Variants in WDR75 observed in about 807,000 individuals in gnomAD.
The protein encoded by WDR75 is WD repeat-containing protein 75.
Under a neutral mutation model 106.1 loss-of-function variants are expected in WDR75, and 52 were observed. The ratio of observed to expected loss-of-function variants is 0.49; its 90% CI spans 0.39 to 0.62. WDR75 has a LOEUF of 0.62. Ranked by LOEUF, WDR75 falls within the 20% of genes least tolerant of loss-of-function variation. The pLI is 0.00. For missense variants in WDR75, 905 were observed against 970.3 expected, an observed-to-expected ratio of 0.93 and a Z score of 0.89; for synonymous variants, 333 against 335.5, an observed-to-expected ratio of 0.99 and a Z score of 0.08.
chr2:189,448,828 A>T (rs1686555501), intron 2 of WDR75: 1 of 487,684 alleles, frequency 2.1e-6, no homozygotes, highest in Non-Finnish European at 4.2e-6. Flanking sequence ...GCGAATATCC[A>T]AAAGAGGTAT....
Position 189,470,697 on chromosome 2 carries a change from G to A in WDR75, c.1990-122G>A, listed in dbSNP as rs114207009. ...GGTTTAAATCTTTTATTCCTTTTCTGTTGTCAAATATATATATCAAAGTGA... is the reference window on the plus strand; with the variant it reads ...GGTTTAAATCTTTTATTCCTTTTCTATTGTCAAATATATATATCAAAGTGA... On this transcript the variant is annotated intron_variant, in intron 17 of 20. Transcript: ENST00000314761. 7.2e-3 allele frequency: 3,780 copies of A among 525,544 alleles called. 120 individuals carry two copies. The highest frequency in any genetic ancestry group is 0.068 in the African/African-American group (3,457 of 50,502). The allele number at this position is 525,544 out of a possible 1,614,324, so 32.6% of individuals were successfully genotyped here. A position where few individuals can be genotyped will look rare whatever the true frequency, so the allele number is the denominator to read the frequency against.
intron 16 of WDR75, 21 bp from the exon 17 acceptor site, chr2:189,470,055 T>C: frequency 6.2e-7 from 1 of 1,605,248 alleles, no homozygotes; most frequent in East Asian, 2.2e-5. Flanking sequence ...ATGTTATTGT[T>C]TCTTTGTTTT....
At chr2:189,470,955 A>G in intron 18 of WDR75, 77 bp downstream of exon 18, 1 of 1,140,132 alleles carries the variant, frequency 8.8e-7, no homozygotes, top group Non-Finnish European at 1.2e-6. Flanking sequence ...TCAACTATGA[A>G]AAAAATATTT....
intron 1 of WDR75, among the ~76,000 whole-genome samples, chr2:189,448,040 C>T (rs1686538017): frequency 6.6e-6 from 1 of 152,176 alleles, no homozygotes; most frequent in Non-Finnish European, 1.5e-5. Flanking sequence ...GGGAGCTCTC[C>T]TGCACAAGTT....
intron 5 of WDR75, among the ~76,000 whole-genome samples, chr2:189,456,043 G>A (rs1239467647): frequency 2.6e-5 from 4 of 152,000 alleles, no homozygotes; most frequent in Non-Finnish European, 4.4e-5. Flanking sequence ...AAAAGCCTCC[G>A]GACATCACTG....
chr2:189,455,649 C>G lies in WDR75; in HGVS notation c.498+205C>G, dbSNP rs555860959. 9.5e-5 allele frequency: 48 copies of G among 507,288 alleles called. 2 individuals carry two copies. The South Asian group carries it at 1.8e-3, about 19-fold the overall frequency. The allele number at this position is 507,288 out of a possible 1,614,324, so 31.4% of individuals were successfully genotyped here. A position where few individuals can be genotyped will look rare whatever the true frequency, so the allele number is the denominator to read the frequency against. On this transcript the variant is annotated intron_variant, in intron 5 of 20. Coordinates refer to ENST00000314761, the MANE Select transcript of WDR75 (RefSeq NM_032168.3). The stretch of plus-strand genomic sequence containing the variant: ...TATCCTTATTTTTGTGTGTTCTGTC[C>G]TATTGCCTTTGTAAACTCTCTTAGA...
In WDR75 at chr2:189,474,266, A is replaced by G; in HGVS notation, c.2130A>G (p.Leu710=). The G allele has an allele frequency of 6.2e-7, 1 of 1,613,918 alleles. No individual in the cohort carries two copies. The highest frequency in any genetic ancestry group is 8.5e-7 in the Non-Finnish European group (1 of 1,179,856). ...ACAGGCAACAGCAGGATGAAAAACT[A>G]AACGAAACTTTAGAGAATGAGCTGG... The part of the protein sequence containing the change: ...GKHRQQQDEK[L]NETLENELVQ... The change falls in exon 19 of 21, where the codon CTA becomes CTG. Residue 710 remains leucine, a synonymous_variant. Transcript: ENST00000314761.
At chr2:189,469,486 G>A in intron 16 of WDR75, 47 bp downstream of exon 16, 1 of 1,483,960 alleles carries the variant, frequency 6.7e-7, no homozygotes. Context: ...TATGACCTAA[G>A]TTTTCTTCTT....
At chr2:189,448,233 C>G (rs1489800316) in intron 1 of WDR75, 146 bp from the exon 2 acceptor site, 2 of 770,458 alleles carry the variant, frequency 2.6e-6, no homozygotes, top group African/African-American at 3.6e-5. Flanking sequence ...CCTGTAATCT[C>G]AGCATTTTGG....
chr2:189,452,490 A>G (rs1334175185), intron 4 of WDR75, among the ~76,000 whole-genome samples: 1 of 151,664 alleles, frequency 6.6e-6, no homozygotes. Flanking sequence ...TGAATCCAGA[A>G]GGTGGAGCTT....
At position 189,474,711 on chromosome 2, in the gene WDR75, C is replaced by T. The variant is rs771696734; in HGVS notation, c.2197-6C>T. The T allele has an allele frequency of 1.9e-6, 3 of 1,613,444 alleles. No homozygotes were observed. The South Asian group carries it at 3.3e-5, about 18-fold the overall frequency. ...AATTGCAACCGTGTTTTCTGTTTGA[C>T]TCCAGCTTCTTCACACTCCAGCCCA... On this transcript the variant is annotated splice_polypyrimidine_tract_variant and splice_region_variant and intron_variant, in intron 19 of 20. Transcript: ENST00000314761.
intron 14 of WDR75, among the ~76,000 whole-genome samples, chr2:189,467,971 T>G (rs1440105608): frequency 3.9e-5 from 6 of 152,146 alleles, no homozygotes; most frequent in Admixed American, 1.3e-4. Context: ...ATAAAAACCG[T>G]GTTATGCGCC....
intron 20 of WDR75, 95 bp downstream of exon 20, chr2:189,474,903 CT>C: frequency 1.0e-6 from 1 of 989,888 alleles, no homozygotes; most frequent in Non-Finnish European, 1.5e-6. Context: ...CACTGTATTT[CT>C]TTTTATTTCA....
intron 4 of WDR75, among the ~76,000 whole-genome samples, chr2:189,454,031 C>T (rs930771325): frequency 4.6e-5 from 7 of 152,172 alleles, no homozygotes; most frequent in African/African-American, 1.7e-4. Flanking sequence ...AAACAAAACA[C>T]TTCTAAGTCC....
rs544024132 is a variant in WDR75, at chr2:189,454,718, T to C, written c.374-602T>C. On this transcript the variant is annotated intron_variant, in intron 4 of 20. Coordinates refer to ENST00000314761, the MANE Select transcript of WDR75 (RefSeq NM_032168.3). ...TTGTATTTTTTTAGTAGAGACAGGG[T>C]TTCACCGTGTTAGCCAGGATGGTCT... is the stretch of plus-strand genomic sequence containing the variant. Among the ~76,000 whole-genome samples, 400 of 151,946 alleles carry C rather than the reference T, an allele frequency of 2.6e-3. 5 individuals are homozygous for C. The highest frequency in any genetic ancestry group is 9.0e-3 in the African/African-American group (375 of 41,440).
Position 189,470,056 on chromosome 2 carries a change from T to C in WDR75, c.1820-20T>C. 2 of 1,605,732 alleles carry C rather than the reference T, an allele frequency of 1.2e-6. No homozygotes were observed. The highest frequency in any genetic ancestry group is 8.5e-7 in the Non-Finnish European group (1 of 1,175,570). Reference sequence around the variant, plus strand: ...CCTTTTCAGGCAAAATGTTATTGTTTCTTTGTTTTTTCCCTCTAGTGTTTG... The same window carrying C: ...CCTTTTCAGGCAAAATGTTATTGTTCCTTTGTTTTTTCCCTCTAGTGTTTG... On this transcript the variant is annotated intron_variant, in intron 16 of 20. Coordinates refer to ENST00000314761, the MANE Select transcript of WDR75 (RefSeq NM_032168.3).
chr2:189,470,690 C>G (rs1687098265), intron 17 of WDR75, 129 bp from the exon 18 acceptor site: 1 of 507,196 alleles, frequency 2.0e-6, no homozygotes, highest in Non-Finnish European at 3.3e-6. Context: ...TCTTTTATTC[C>G]TTTTCTGTTG....
At chr2:189,443,232 G>A (rs140796880) in intron 1 of WDR75, among the ~76,000 whole-genome samples, 1 of 152,336 alleles carries the variant, frequency 6.6e-6, no homozygotes, top group Non-Finnish European at 1.5e-5. Context: ...GGACGGAGAA[G>A]ATTGCTGAGC....
chr2:189,444,749 T>A (rs1035176648), intron 1 of WDR75, among the ~76,000 whole-genome samples: 1 of 152,224 alleles, frequency 6.6e-6, no homozygotes. Context: ...CTATATGGCT[T>A]TCAATCCCTT....
Sources: allele counts gnomAD v4.1 joint callset (sites outside exome capture counted in the v4.1 genomes callset), GRCh38; gene constraint gnomAD v4.1.1; transcripts MANE v1.5; gene names NCBI Gene and HGNC (gene_info 2026-07-23, HGNC 2026-07-21).